The following USP8 variants were observed in gnomAD, a reference collection of about 807,000 sequenced individuals.
USP8 encodes the protein ubiquitin specific peptidase 8.
USP8 carries 27 observed loss-of-function variants against 130.0 expected under a neutral mutation model. The ratio of observed to expected loss-of-function variants is 0.21; its 90% CI spans 0.15 to 0.29. The LOEUF is 0.29. USP8 is among the 10% of genes least tolerant of loss of function. The pLI, the probability that USP8 is intolerant of heterozygous loss-of-function variation, is 1.00. For synonymous variants in USP8, 392 were observed against 444.1 expected, an observed-to-expected ratio of 0.88 and a Z score of 1.48; for missense variants, 1,029 against 1,312.2, an observed-to-expected ratio of 0.78 and a Z score of 3.33.
chr15:50,494,930 G>A (rs528787180), intron 16 of USP8, among the ~76,000 whole-genome samples: 26 of 151,514 alleles, frequency 1.7e-4, no homozygotes, highest in Admixed American at 1.5e-3. Flanking sequence ...CAGGAGAATC[G>A]CTTGAACCTG....
chr15:50,436,459 A>G (rs888850764), intron 1 of USP8, among the ~76,000 whole-genome samples: 1 of 152,184 alleles, frequency 6.6e-6, no homozygotes, highest in Non-Finnish European at 1.5e-5. Flanking sequence ...ACTACTGCTT[A>G]AAACTTTCTC....
chr15:50,500,153 G>A lies in USP8; in HGVS notation c.*1065G>A, dbSNP rs1054838558. The A allele has an allele frequency of 2.6e-5, 4 of 152,182 alleles. No homozygotes were observed. The highest frequency in any genetic ancestry group is 2.6e-4 in the Admixed American group (4 of 15,272). 9.4% of individuals were successfully genotyped at this position (152,182 alleles called of 1,614,324 possible). A position where few individuals can be genotyped will look rare whatever the true frequency, so the allele number is the denominator to read the frequency against. Reference sequence around the variant, plus strand: ...ACCATTAGCAGGCTCTCAGGGAGAAGATGAAAGGATGGGGTTCAAATTGTG... The same window carrying A: ...ACCATTAGCAGGCTCTCAGGGAGAAAATGAAAGGATGGGGTTCAAATTGTG... On this transcript the variant is annotated 3_prime_UTR_variant, in exon 20 of 20. Coordinates refer to ENST00000307179, the MANE Select transcript of USP8 (RefSeq NM_005154.5).
chr15:50,480,867 G>C (rs2051741403), intron 10 of USP8, among the ~76,000 whole-genome samples: 1 of 152,156 alleles, frequency 6.6e-6, no homozygotes, highest in African/African-American at 2.4e-5. Flanking sequence ...AAGCTATGCT[G>C]TAGTCCTGGT....
intron 19 of USP8, 47 bp downstream of exon 19, chr15:50,498,775 A>T (rs769548088): frequency 1.3e-6 from 2 of 1,567,172 alleles, no homozygotes; most frequent in Admixed American, 1.9e-5. Flanking sequence ...AAGCAAGTTT[A>T]AAAAAAGTTT....
At position 50,510,224 on chromosome 15, in the gene USP8, C is replaced by T. The variant is rs2052719462; in HGVS notation, c.*11136C>T. 3 of 152,038 alleles carry T rather than the reference C, an allele frequency of 2.0e-5. No homozygotes were observed. In the South Asian group the frequency reaches 6.2e-4, roughly 31 times the overall value. 9.4% of individuals were successfully genotyped at this position (152,038 alleles called of 1,614,324 possible). A position where few individuals can be genotyped will look rare whatever the true frequency, so the allele number is the denominator to read the frequency against. The stretch of plus-strand genomic sequence containing the variant: ...TATGCAGAAAAATGAAATTGAATCC[C>T]TAATTTATACTACATTTTTGTCAGA... On this transcript the variant is annotated 3_prime_UTR_variant, in exon 20 of 20. Coordinates refer to ENST00000307179, the MANE Select transcript of USP8 (RefSeq NM_005154.5).
In USP8 at chr15:50,512,436, G is replaced by T. The variant is rs558865084; in HGVS notation, c.*13348G>T. On this transcript the variant is annotated 3_prime_UTR_variant, in exon 20 of 20. Coordinates refer to ENST00000307179, the MANE Select transcript of USP8 (RefSeq NM_005154.5). The stretch of plus-strand genomic sequence containing the variant: ...TTACAGGGTTTCTTTTGGGGATAAC[G>T]AAAATGTTCTAAAACTGGACTGTGG... The T allele has an allele frequency of 6.6e-6, 1 of 152,278 alleles. No individual in the cohort carries two copies. The highest frequency in any genetic ancestry group is 2.4e-5 in the African/African-American group (1 of 41,516). 9.4% of individuals were successfully genotyped at this position (152,278 alleles called of 1,614,324 possible). A position where few individuals can be genotyped will look rare whatever the true frequency, so the allele number is the denominator to read the frequency against.
At chr15:50,475,983 G>A (rs2051555547) in intron 8 of USP8, among the ~76,000 whole-genome samples, 1 of 152,136 alleles carries the variant, frequency 6.6e-6, no homozygotes, top group African/African-American at 2.4e-5. Context: ...GTGTACCTTA[G>A]CTTAAGCAAC....
chr15:50,438,523 T>A (rs8034080), intron 1 of USP8, among the ~76,000 whole-genome samples: 13,606 of 152,128 alleles, frequency 0.089, 1,307 homozygotes, highest in African/African-American at 0.25. Flanking sequence ...AGGTGAAGGT[T>A]ACAGTAAGCC....
chr15:50,444,596 G>A (rs1404585935), intron 3 of USP8: 2 of 152,004 alleles, frequency 1.3e-5, no homozygotes, highest in African/African-American at 2.4e-5. Context: ...TCCAAAGGGA[G>A]TATGTAGGCA....
chr15:50,478,520 G>A (rs970038230), intron 10 of USP8, among the ~76,000 whole-genome samples: 2 of 152,170 alleles, frequency 1.3e-5, no homozygotes, highest in African/African-American at 4.8e-5. Context: ...ATAAACTGAA[G>A]TGGTTCATTT....
intron 8 of USP8, among the ~76,000 whole-genome samples, chr15:50,476,110 C>T (rs1049783754): frequency 6.6e-6 from 1 of 152,112 alleles, no homozygotes; most frequent in East Asian, 1.9e-4. Context: ...AATGTTCAAA[C>T]GATTGACTCA....
intron 17 of USP8, 86 bp from the exon 18 acceptor site, chr15:50,497,003 T>G: frequency 6.7e-7 from 1 of 1,486,030 alleles, no homozygotes; most frequent in Non-Finnish European, 9.0e-7. Context: ...CACTGGTGCC[T>G]GCAGAGTGAC....
At chr15:50,475,592 T>G (rs1019664485) in intron 8 of USP8, among the ~76,000 whole-genome samples, 1 of 151,956 alleles carries the variant, frequency 6.6e-6, no homozygotes, top group African/African-American at 2.4e-5. Context: ...CACACATATA[T>G]ATATATTTAT....
At position 50,499,320 on chromosome 15, in the gene USP8, C is replaced by T. The variant is rs1350750001; in HGVS notation, c.*232C>T. On this transcript the variant is annotated 3_prime_UTR_variant, in exon 20 of 20. Coordinates refer to ENST00000307179, the MANE Select transcript of USP8 (RefSeq NM_005154.5). ...TTTATTTCAAAACAACTTTTTTAGT[C>T]TGCTCCAAAGTTAAAATAATTAACT... is the stretch of plus-strand genomic sequence containing the variant. 2.8e-6 allele frequency: 1 copy of T among 351,700 alleles called. No homozygotes were observed. The highest frequency in any genetic ancestry group is 2.1e-5 in the African/African-American group (1 of 47,554). The allele number at this position is 351,700 out of a possible 1,614,324, so 21.8% of individuals were successfully genotyped here.
In USP8 at chr15:50,459,166, T is replaced by C. The variant is rs1273571695; in HGVS notation, c.498+4T>C. 6.3e-7 allele frequency: 1 copy of C among 1,598,460 alleles called. No homozygotes were observed. ...TTCCAAAGACAAAACCCAAAAGGTATTTCAAATTTAATGTGTGAGTTAAAA... is the reference window on the plus strand; with the variant it reads ...TTCCAAAGACAAAACCCAAAAGGTACTTCAAATTTAATGTGTGAGTTAAAA... On this transcript the variant is annotated splice_donor_region_variant and intron_variant, in intron 5 of 19. Coordinates refer to ENST00000307179, the MANE Select transcript of USP8 (RefSeq NM_005154.5).
intron 6 of USP8, among the ~76,000 whole-genome samples, chr15:50,464,284 A>C (rs1014427577): frequency 6.6e-6 from 1 of 152,180 alleles, no homozygotes; most frequent in Admixed American, 6.5e-5. Context: ...TTGGATATCT[A>C]AGTTTTTCAA....
rs542734626 is a variant in USP8 at position 50,505,348 on chromosome 15, A to G, written c.*6260A>G. On this transcript the variant is annotated 3_prime_UTR_variant, in exon 20 of 20. Coordinates refer to ENST00000307179, the MANE Select transcript of USP8 (RefSeq NM_005154.5). Reference sequence around the variant, plus strand: ...CTGGTAGAAGTTCTCCATAGCAGCCATAGAAATCAGAGACAATACAGTAGC... The same window carrying G: ...CTGGTAGAAGTTCTCCATAGCAGCCGTAGAAATCAGAGACAATACAGTAGC... 3.9e-5 allele frequency: 6 copies of G among 152,344 alleles called. No individual in the cohort carries two copies. Among genetic ancestry groups the G allele is most frequent in the African/African-American group, 1.4e-4 (6 of 41,596 alleles). 9.4% of individuals were successfully genotyped at this position (152,344 alleles called of 1,614,324 possible).
In USP8 at chr15:50,506,672, A is replaced by G. The variant is rs964863663; in HGVS notation, c.*7584A>G. On this transcript the variant is annotated 3_prime_UTR_variant, in exon 20 of 20. Transcript: ENST00000307179. ...AATATTTACTGGATTTTAAATATCC[A>G]GTTCTAGCCAGGCGCGATGGCTCAC... The G allele has an allele frequency of 1.3e-5, 2 of 152,178 alleles. No individual in the cohort carries two copies. The highest frequency in any genetic ancestry group is 2.9e-5 in the Non-Finnish European group (2 of 68,028). The allele number at this position is 152,178 out of a possible 1,614,324, so 9.4% of individuals were successfully genotyped here. A position where few individuals can be genotyped will look rare whatever the true frequency, so the allele number is the denominator to read the frequency against.
chr15:50,489,062 G>T (rs1165928965), intron 12 of USP8, among the ~76,000 whole-genome samples: 1 of 152,018 alleles, frequency 6.6e-6, no homozygotes, highest in East Asian at 1.9e-4. Context: ...AATAGAAATG[G>T]GTGGTTCATC....
Sources: gnomAD v4.1 joint callset for allele counts (sites outside exome capture counted in the v4.1 genomes callset) on GRCh38, gnomAD v4.1.1 for gene constraint, MANE v1.5 for transcripts, NCBI Gene and HGNC (gene_info 2026-07-23, HGNC 2026-07-21) for gene names.